The following MAPK6 variants were observed in gnomAD, a reference collection of about 807,000 sequenced individuals.
The protein encoded by MAPK6 is mitogen-activated protein kinase 6, also known as ERK-3.
MAPK6 carries 19 observed loss-of-function variants against 59.3 expected under a neutral mutation model. The observed-to-expected ratio is 0.32, with a 90% CI of 0.22 to 0.47. The LOEUF is 0.47. Ranked by LOEUF, MAPK6 falls within the 20% of genes least tolerant of loss-of-function variation. The pLI, the probability that MAPK6 is intolerant of heterozygous loss-of-function variation, is 1.00. For missense variants in MAPK6, 724 were observed against 847.9 expected, an observed-to-expected ratio of 0.85 and a Z score of 1.81; for synonymous variants, 316 against 290.3, an observed-to-expected ratio of 1.09 and a Z score of -0.90.
In MAPK6 at chr15:51,987,430, C is replaced by T. The variant is rs557039624; in HGVS notation, c.-770+4115C>T. 2.3e-4 allele frequency among the ~76,000 whole-genome samples: 35 copies of T among 152,196 alleles called. No homozygotes were observed. The South Asian group carries it at 2.7e-3, about 12-fold the overall frequency. ...GACCAGCCTGGCCAACATGGTGAAA[C>T]GTCGTCTCTACTAAAAATACAAAAA... On this transcript the variant is annotated intron_variant, in intron 2 of 7. Transcript: ENST00000691380.
upstream of MAPK6, chr15:52,019,135 TGCGCTGGGCAGGGCGGGG>T (rs2030375710): frequency 1.3e-5 from 2 of 152,114 alleles, no homozygotes; most frequent in South Asian, 4.2e-4. Flanking sequence ...CGCGTGCGGG[TGCGCTGGGCAGGGCGGGG>T]GCGGGAGAAC....
At chr15:52,041,475 C>A (rs541705426) in intron 1 of MAPK6, among the ~76,000 whole-genome samples, 1 of 152,258 alleles carries the variant, frequency 6.6e-6, no homozygotes, top group East Asian at 1.9e-4. Context: ...GGATTACAGG[C>A]GTGAGCCACC....
intron 1 of MAPK6, 80 bp downstream of exon 1, chr15:52,019,456 G>GCGGCGGCGGCGA (rs1283734611): frequency 1.4e-5 from 2 of 147,384 alleles, no homozygotes; most frequent in African/African-American, 4.9e-5. Flanking sequence ...GGCGGCGGCG[G>GCGGCGGCGGCGA]CGGCGGCGGC....
chr15:51,981,028 T>C (rs568347826), intron 1 of MAPK6, among the ~76,000 whole-genome samples: 12 of 151,950 alleles, frequency 7.9e-5, no homozygotes, highest in Admixed American at 7.2e-4. Flanking sequence ...TTCCTGAACC[T>C]CTTTCCTCCA....
rs2031610253 is a variant in MAPK6, at chr15:52,046,945, C to T, written c.485C>T (p.Thr162Met). 3.7e-6 allele frequency: 6 copies of T among 1,612,394 alleles called. No individual in the cohort carries two copies. Among genetic ancestry groups the T allele is most frequent in the African/African-American group, 1.3e-5 (1 of 74,822 alleles). Residue 162 changes from threonine to methionine, a missense_variant, in exon 2 of 6, where the codon ACG (threonine) becomes ATG (methionine). Physicochemically the swap from Thr to Met is moderately conservative, Grantham distance 81 (BLOSUM62 -1). Coordinates refer to ENST00000261845, the MANE Select transcript of MAPK6 (RefSeq NM_002748.4). ...DLKPANLFIN[T>M]EDLVLKIGDF... is the part of the protein sequence containing the mutation. ...AAACCAGCTAATCTTTTCATTAATA[C>T]GGAAGACTTGGTGCTGAAGATAGGT...
chr15:52,056,213 C>A (rs964718890), intron 3 of MAPK6, among the ~76,000 whole-genome samples: 1 of 152,188 alleles, frequency 6.6e-6, no homozygotes, highest in Non-Finnish European at 1.5e-5. Flanking sequence ...GTTCCTGTCC[C>A]AGGTTAACAC....
intron 1 of MAPK6, among the ~76,000 whole-genome samples, chr15:52,039,172 GCTA>G (rs1425254395): frequency 5.9e-5 from 9 of 152,218 alleles, no homozygotes; most frequent in African/African-American, 1.9e-4. Flanking sequence ...ACCATGCCAA[GCTA>G]ATTTTTGTAT....
chr15:52,001,611 C>T (rs372108782), intron 2 of MAPK6, among the ~76,000 whole-genome samples: 2 of 149,580 alleles, frequency 1.3e-5, no homozygotes, highest in East Asian at 3.9e-4. Context: ...TGGGTTCAAG[C>T]GATTCTCCTG....
At chr15:51,977,113 C>T (rs2057159690) in intron 1 of MAPK6, among the ~76,000 whole-genome samples, 1 of 151,094 alleles carries the variant, frequency 6.6e-6, no homozygotes, top group South Asian at 2.1e-4. Flanking sequence ...TACAATTCTC[C>T]TGCCTCAGCC....
chr15:52,019,751 C>T (rs2030437927), intron 1 of MAPK6, among the ~76,000 whole-genome samples: 1 of 151,708 alleles, frequency 6.6e-6, no homozygotes, highest in Non-Finnish European at 1.5e-5. Flanking sequence ...GCCGTCCCGC[C>T]GCCTGCGCCT....
At chr15:52,030,557 A>G (rs1387066664) in intron 1 of MAPK6, among the ~76,000 whole-genome samples, 1 of 147,726 alleles carries the variant, frequency 6.8e-6, no homozygotes, top group Non-Finnish European at 1.5e-5. Flanking sequence ...GTAGTACTAT[A>G]CCAGCGTTAA....
intron 1 of MAPK6, among the ~76,000 whole-genome samples, chr15:52,041,266 G>T (rs1039739805): frequency 5.3e-5 from 8 of 152,010 alleles, no homozygotes; most frequent in Non-Finnish European, 1.2e-4. Context: ...GCGCGATCTC[G>T]GCTCACAGCG....
At chr15:52,019,463 C>A (rs1309858601) in intron 1 of MAPK6, 87 bp downstream of exon 1, 2 of 147,404 alleles carry the variant, frequency 1.4e-5, no homozygotes, top group Admixed American at 6.8e-5. Context: ...GCGGCGGCGG[C>A]GGCGACGGCG....
In MAPK6 at chr15:52,061,400, A is replaced by G. The variant is rs186820701; in HGVS notation, c.967A>G (p.Met323Val). 1.9e-5 allele frequency: 31 copies of G among 1,613,882 alleles called. No homozygotes were observed. Among genetic ancestry groups the G allele is most frequent in the African/African-American group, 5.3e-5 (4 of 74,922 alleles). The stretch of plus-strand genomic sequence containing the variant: ...TTACATGAGCATATATTCTTTTCCA[A>G]TGGATGAGCCAATTTCAAGCCATCC... ...HPYMSIYSFPMDEPISSHPFH... is the reference protein window; with the variant it reads ...HPYMSIYSFPVDEPISSHPFH... Residue 323 changes from methionine to valine, a missense_variant, in exon 5 of 6, where the codon ATG becomes GTG. By Grantham distance (21) the Met-to-Val change is conservative. This residue lies in a region of MAPK6 where 502 missense variants were observed against 507.6 expected (regional missense o/e 0.99). Transcript: ENST00000261845.
upstream of MAPK6, chr15:52,019,187 A>AG (rs138608157): frequency 0.12 from 18,389 of 151,406 alleles, 1,415 homozygotes; most frequent in Admixed American, 0.24. Context: ...CTGTGACGTG[A>AG]GGGGGCGTGG....
chr15:52,043,878 C>T (rs1225245276), intron 1 of MAPK6, among the ~76,000 whole-genome samples: 1 of 145,092 alleles, frequency 6.9e-6, no homozygotes, highest in Admixed American at 7.2e-5. Context: ...CTGGTTCAAG[C>T]GATTATCCAG....
chr15:51,976,842 G>T (rs2057158895), intron 1 of MAPK6, among the ~76,000 whole-genome samples: 1 of 151,662 alleles, frequency 6.6e-6, no homozygotes, highest in African/African-American at 2.4e-5. Context: ...TACTCAGGAA[G>T]CTGAAGCAGG....
chr15:52,016,266 G>A (rs754581490), upstream of MAPK6, among the ~76,000 whole-genome samples: 6 of 150,776 alleles, frequency 4.0e-5, no homozygotes, highest in Admixed American at 1.3e-4. Flanking sequence ...GTGCACACCT[G>A]TAATCCCAGC....
intron 1 of MAPK6, among the ~76,000 whole-genome samples, chr15:52,034,645 A>C (rs1247940684): frequency 6.7e-6 from 1 of 149,544 alleles, no homozygotes; most frequent in East Asian, 2.0e-4. Context: ...ACTTTTCTTC[A>C]CTTTTCTTTT....
Sources: allele counts gnomAD v4.1 joint callset (sites outside exome capture counted in the v4.1 genomes callset), GRCh38; gene constraint gnomAD v4.1.1; regional missense constraint gnomAD v4.1.1; transcripts MANE v1.5; gene names NCBI Gene and HGNC (gene_info 2026-07-23, HGNC 2026-07-21).